Variants in DSCAML1 observed in about 807,000 individuals in gnomAD.
DSCAML1 encodes the protein cell adhesion molecule DSCAML1.
In DSCAML1, 38 loss-of-function variants were observed where a neutral mutation model predicts 200.5. The ratio of observed to expected loss-of-function variants is 0.19; its 90% CI spans 0.15 to 0.25. The LOEUF (loss-of-function observed/expected upper bound fraction) is 0.25, where lower values mean the gene tolerates loss of function less well. Ranked by LOEUF, DSCAML1 falls within the 10% of genes least tolerant of loss-of-function variation. The probability of loss-of-function intolerance (pLI) is 1.00; values close to 1 mark genes in which losing one functional copy is unlikely to be tolerated. For synonymous variants in DSCAML1, 1,215 were observed against 1,165.0 expected, an observed-to-expected ratio of 1.04 and a Z score of -0.87; for missense variants, 2,223 against 2,858.8, an observed-to-expected ratio of 0.78 and a Z score of 5.07.
chr11:117,430,587 A>T, intron 32 of DSCAML1, 135 bp downstream of exon 32: 1 of 1,001,754 alleles, frequency 1.0e-6, no homozygotes, highest in Non-Finnish European at 1.4e-6. Flanking sequence ...TGCTGTTGGT[A>T]CCACCCTGCA....
At chr11:117,795,833 C>G (rs76377040) in intron 1 of DSCAML1, among the ~76,000 whole-genome samples, 15,085 of 152,282 alleles carry the variant, frequency 0.099, 846 homozygotes, top group South Asian at 0.16. Flanking sequence ...GGTGGCAACC[C>G]TCCACTGGAG....
chr11:117,774,135 C>T (rs1346610812), intron 3 of DSCAML1, among the ~76,000 whole-genome samples: 2 of 152,228 alleles, frequency 1.3e-5, no homozygotes, highest in Non-Finnish European at 2.9e-5. Context: ...GCCCAGCCTG[C>T]TGTCTTATTC....
At chr11:117,723,160 TA>T (rs756669344) in intron 3 of DSCAML1, among the ~76,000 whole-genome samples, 4 of 152,244 alleles carry the variant, frequency 2.6e-5, no homozygotes, top group Admixed American at 6.5e-5. Flanking sequence ...TGTTAGCTGT[TA>T]GCTATTTTTT....
intron 3 of DSCAML1, among the ~76,000 whole-genome samples, chr11:117,589,320 T>G (rs2051212513): frequency 6.6e-6 from 1 of 152,242 alleles, no homozygotes; most frequent in Admixed American, 6.5e-5. Context: ...GTCACGCAGC[T>G]ATTTATTTAT....
intron 3 of DSCAML1, among the ~76,000 whole-genome samples, chr11:117,560,613 C>T (rs1279355866): frequency 2.0e-5 from 3 of 152,190 alleles, no homozygotes; most frequent in Admixed American, 6.5e-5. Context: ...GCAGGCAAAC[C>T]TCATGGCTTT....
intron 3 of DSCAML1, among the ~76,000 whole-genome samples, chr11:117,714,899 G>A (rs2053922585): frequency 2.0e-5 from 3 of 151,278 alleles, no homozygotes; most frequent in East Asian, 1.9e-4. Context: ...CAGCTGGAAG[G>A]AGGCCCCAGG....
intron 3 of DSCAML1, among the ~76,000 whole-genome samples, chr11:117,706,103 C>A (rs6589618): frequency 2.0e-5 from 3 of 152,006 alleles, no homozygotes; most frequent in African/African-American, 7.3e-5. Flanking sequence ...AATAAAGGGC[C>A]CTCAATTCAC....
At chr11:117,573,651 C>T (rs914113073) in intron 3 of DSCAML1, among the ~76,000 whole-genome samples, 2 of 152,226 alleles carry the variant, frequency 1.3e-5, no homozygotes, top group Non-Finnish European at 1.5e-5. Flanking sequence ...CTCCTGTCGC[C>T]GACCACTTCA....
chr11:117,452,433 A>C (rs1249052023), intron 19 of DSCAML1, among the ~76,000 whole-genome samples: 1 of 152,290 alleles, frequency 6.6e-6, no homozygotes, highest in Non-Finnish European at 1.5e-5. Context: ...GTTTTCTATT[A>C]GACAGTTTGA....
intron 4 of DSCAML1, among the ~76,000 whole-genome samples, chr11:117,527,986 T>C (rs894800681): frequency 3.3e-5 from 5 of 152,164 alleles, no homozygotes; most frequent in Non-Finnish European, 5.9e-5. Context: ...GAGCCCGAGT[T>C]TCCCCACCTG....
intron 3 of DSCAML1, among the ~76,000 whole-genome samples, chr11:117,561,756 G>A (rs1485955103): frequency 1.3e-5 from 2 of 152,166 alleles, no homozygotes. Context: ...GATGCCCCTC[G>A]TACTAGCCCC....
rs554674034 is a variant in DSCAML1, at chr11:117,652,308, C to T, written c.512-119786G>A. Among the ~76,000 whole-genome samples, 19 of 152,362 alleles carry T rather than the reference C, an allele frequency of 1.2e-4. No individual in the cohort carries two copies. In the East Asian group the frequency reaches 3.7e-3, roughly 29 times the overall value. On this transcript the variant is annotated intron_variant, in intron 3 of 32. Coordinates refer to ENST00000651296, the MANE Select transcript of DSCAML1 (RefSeq NM_020693.4). ...GACGAGAGAGGTCACCTGGGCTACG[C>T]ATGTGATGCTGCCATGCATATTATC... is the stretch of plus-strand genomic sequence containing the variant.
intron 3 of DSCAML1, among the ~76,000 whole-genome samples, chr11:117,709,160 G>T (rs1375340950): frequency 6.6e-6 from 1 of 152,192 alleles, no homozygotes; most frequent in Admixed American, 6.5e-5. Flanking sequence ...GTTTCAATGT[G>T]TGACCCTGTT....
Position 117,442,081 on chromosome 11 carries a change from C to T in DSCAML1, c.3862+1805G>A, listed in dbSNP as rs2048065532. Among the ~76,000 whole-genome samples, 3 of 148,390 alleles carry T rather than the reference C, an allele frequency of 2.0e-5. No homozygotes were observed. In the South Asian group the frequency reaches 7.1e-4, roughly 35 times the overall value. On this transcript the variant is annotated intron_variant, in intron 21 of 32. Coordinates refer to ENST00000651296, the MANE Select transcript of DSCAML1 (RefSeq NM_020693.4). ...GTGTGTGCGCAGATGCGTGTTTGTG[C>T]ACATGCATGTGAGTGCATGTTGTGT... is the stretch of plus-strand genomic sequence containing the variant.
Position 117,480,363 on chromosome 11 carries a change from C to T in DSCAML1, c.2785+80G>A. The stretch of plus-strand genomic sequence containing the variant: ...GCAGCCCTAAGGCTCAGGGGCTCTC[C>T]TCCCAGAGGGCACAGGCAGGACACG... On this transcript the variant is annotated intron_variant, in intron 14 of 32. Coordinates refer to ENST00000651296, the MANE Select transcript of DSCAML1 (RefSeq NM_020693.4). The surrounding 1 kb of genome is among the most constrained non-coding windows in gnomAD (Gnocchi z 4.1). 6.3e-7 allele frequency: 1 copy of T among 1,579,180 alleles called. No homozygotes were observed. The highest frequency in any genetic ancestry group is 8.6e-7 in the Non-Finnish European group (1 of 1,160,878).
intron 3 of DSCAML1, among the ~76,000 whole-genome samples, chr11:117,767,602 C>A (rs549630243): frequency 2.0e-5 from 3 of 152,290 alleles, no homozygotes; most frequent in African/African-American, 7.2e-5. Flanking sequence ...AAGCAAACAA[C>A]AAACAAACAA....
At chr11:117,767,870 G>A (rs140009754) in intron 3 of DSCAML1, among the ~76,000 whole-genome samples, 3 of 152,186 alleles carry the variant, frequency 2.0e-5, no homozygotes, top group Non-Finnish European at 2.9e-5. Flanking sequence ...GTTTCCCTCC[G>A]AGGGTTCCAA....
chr11:117,608,159 G>A (rs571360245), intron 3 of DSCAML1, among the ~76,000 whole-genome samples: 6 of 152,244 alleles, frequency 3.9e-5, no homozygotes, highest in Non-Finnish European at 7.4e-5. Context: ...GTAAATCTAC[G>A]GGGGGATATA....
chr11:117,437,975 T>C lies in DSCAML1; in HGVS notation c.4352A>G (p.Tyr1451Cys), dbSNP rs2047956745. The C allele has an allele frequency of 6.2e-7, 1 of 1,613,992 alleles. No homozygotes were observed. The highest frequency in any genetic ancestry group is 1.3e-5 in the African/African-American group (1 of 74,942). ...KLDSLKCGTWYKVKLAAKNSV... is the reference protein window; with the variant it reads ...KLDSLKCGTWCKVKLAAKNSV... ...GTTCTTGGCTGCCAGCTTCACCTTG[T>C]ACCACGTGCCACACTTGAGGCTGTC... The change falls in exon 25 of 33, where the codon TAC becomes TGC. Residue 1451 changes from tyrosine (Y) to cysteine (C), a missense_variant. Tyr to Cys is a radical substitution (Grantham distance 194, BLOSUM62 -2). Coordinates refer to ENST00000651296, the MANE Select transcript of DSCAML1 (RefSeq NM_020693.4). This position sits in a 1 kb window ranked among gnomAD's most constrained non-coding sequence, Gnocchi z 5.3.
Sources: allele counts gnomAD v4.1 joint callset (sites outside exome capture counted in the v4.1 genomes callset), GRCh38; gene constraint gnomAD v4.1.1; non-coding constraint Gnocchi (gnomAD v3.1); transcripts MANE v1.5; gene names NCBI Gene and HGNC (gene_info 2026-07-23, HGNC 2026-07-21).